The following HCN1 variants were observed in gnomAD, a reference collection of about 807,000 sequenced individuals.
HCN1 encodes the protein hyperpolarization activated cyclic nucleotide gated potassium channel 1.
In HCN1, 13 loss-of-function variants were observed where a neutral mutation model predicts 78.9. The ratio of observed to expected loss-of-function variants is 0.16; its 90% CI spans 0.11 to 0.26. The LOEUF (loss-of-function observed/expected upper bound fraction) is 0.26. Among genes scored for constraint, HCN1 ranks in the 10% least tolerant of loss-of-function variants. The probability of loss-of-function intolerance (pLI) is 1.00; values close to 1 mark genes in which losing one functional copy is unlikely to be tolerated. For synonymous variants in HCN1, 552 were observed against 455.5 expected, an observed-to-expected ratio of 1.21 and a Z score of -2.70; for missense variants, 810 against 1,154.3, an observed-to-expected ratio of 0.70 and a Z score of 4.32.
At chr5:45,393,435 T>C (rs181063960) in intron 4 of HCN1, among the ~76,000 whole-genome samples, 21 of 152,282 alleles carry the variant, frequency 1.4e-4, no homozygotes, top group Admixed American at 9.8e-4. Context: ...TTTCATTTCA[T>C]GAAGGCTAGA....
intron 1 of HCN1, among the ~76,000 whole-genome samples, chr5:45,690,682 G>A (rs1034448710): frequency 6.6e-6 from 1 of 151,908 alleles, no homozygotes; most frequent in Non-Finnish European, 1.5e-5. Flanking sequence ...TTTTCATAGT[G>A]CATGCAGACT....
intron 4 of HCN1, among the ~76,000 whole-genome samples, chr5:45,368,077 G>A (rs1747271056): frequency 6.6e-6 from 1 of 151,914 alleles, no homozygotes. Flanking sequence ...AAACCATAAA[G>A]GAACCAGGAG....
chr5:45,302,348 T>C lies in HCN1; in HGVS notation c.1618+1251A>G, dbSNP rs569169392. Among the ~76,000 whole-genome samples the C allele has an allele frequency of 5.3e-5, 8 of 152,188 alleles. No individual in the cohort carries two copies. The South Asian group carries it at 1.7e-3, about 32-fold the overall frequency. Reference sequence around the variant, plus strand: ...CTTGTCTCTCCTTCACCTTCTGCTGTGATTGTAAGTTTCCTGAGGCCTTCC... The same window carrying C: ...CTTGTCTCTCCTTCACCTTCTGCTGCGATTGTAAGTTTCCTGAGGCCTTCC... On this transcript the variant is annotated intron_variant, in intron 6 of 7. Coordinates refer to ENST00000303230, the MANE Select transcript of HCN1 (RefSeq NM_021072.4).
intron 6 of HCN1, among the ~76,000 whole-genome samples, chr5:45,280,029 A>G (rs1174540217): frequency 6.6e-6 from 1 of 152,114 alleles, no homozygotes; most frequent in African/African-American, 2.4e-5. Context: ...TGAAAGATAT[A>G]TAATTTATTA....
rs544704706 is a variant in HCN1 at position 45,586,514 on chromosome 5, G to A, written c.849+58671C>T. 2.6e-5 allele frequency among the ~76,000 whole-genome samples: 4 copies of A among 152,226 alleles called. No homozygotes were observed. In the East Asian group the frequency reaches 7.8e-4, roughly 30 times the overall value. On this transcript the variant is annotated intron_variant, in intron 2 of 7. Transcript: ENST00000303230. ...CACCCTACTTCAGGTCACACTCGGT[G>A]CACTGCACCCACTGTCCTGCACCCA...
At chr5:45,380,769 G>A (rs1383656634) in intron 4 of HCN1, among the ~76,000 whole-genome samples, 1 of 151,958 alleles carries the variant, frequency 6.6e-6, no homozygotes, top group African/African-American at 2.4e-5. Context: ...TATTTTTGTG[G>A]CAAAGAACTA....
intron 3 of HCN1, among the ~76,000 whole-genome samples, chr5:45,400,124 T>C (rs1195873817): frequency 2.0e-5 from 3 of 152,118 alleles, no homozygotes; most frequent in African/African-American, 4.8e-5. Flanking sequence ...ACAAGGTATA[T>C]TGTTAAAGCA....
chr5:45,625,720 G>A (rs1407724688), intron 2 of HCN1, among the ~76,000 whole-genome samples: 1 of 151,528 alleles, frequency 6.6e-6, no homozygotes, highest in East Asian at 1.9e-4. Context: ...GATCAATTCA[G>A]TGCGAATAAA....
At chr5:45,632,132 C>T (rs1286468217) in intron 2 of HCN1, among the ~76,000 whole-genome samples, 1 of 151,884 alleles carries the variant, frequency 6.6e-6, no homozygotes, top group Non-Finnish European at 1.5e-5. Flanking sequence ...TTAATAAAAA[C>T]ATAAAATTAA....
chr5:45,492,542 CAA>C (rs1741910295), intron 2 of HCN1, among the ~76,000 whole-genome samples: 1 of 109,204 alleles, frequency 9.2e-6, no homozygotes, highest in Non-Finnish European at 1.8e-5. Context: ...TTTTTTGAGA[CAA>C]GAGCCTTGCT....
chr5:45,621,399 G>C (rs548846512), intron 2 of HCN1, among the ~76,000 whole-genome samples: 1 of 151,862 alleles, frequency 6.6e-6, no homozygotes, highest in Admixed American at 6.6e-5. Flanking sequence ...ATGAGATAGT[G>C]ACAAAGCTGA....
chr5:45,412,297 C>T (rs574238761), intron 3 of HCN1, among the ~76,000 whole-genome samples: 1 of 152,148 alleles, frequency 6.6e-6, no homozygotes, highest in African/African-American at 2.4e-5. Flanking sequence ...AAGTCATCTG[C>T]GTATATTGAG....
chr5:45,324,591 A>G (rs1746198711), intron 5 of HCN1, among the ~76,000 whole-genome samples: 1 of 151,948 alleles, frequency 6.6e-6, no homozygotes, highest in South Asian at 2.1e-4. Context: ...AGATTTTTCA[A>G]TATTTATTTA....
At chr5:45,676,272 G>A (rs114654738) in intron 1 of HCN1, among the ~76,000 whole-genome samples, 3,701 of 151,664 alleles carry the variant, frequency 0.024, 174 homozygotes, top group African/African-American at 0.084. Context: ...ATTGTAATAT[G>A]TGTCTTATAA....
At chr5:45,329,683 TTTTTAAA>T (rs1364220841) in intron 5 of HCN1, among the ~76,000 whole-genome samples, 5 of 151,550 alleles carry the variant, frequency 3.3e-5, no homozygotes, top group African/African-American at 1.2e-4. Flanking sequence ...TTTGGAATCT[TTTTTAAA>T]TTAACACTAT....
intron 2 of HCN1, among the ~76,000 whole-genome samples, chr5:45,556,121 A>G (rs886651383): frequency 4.6e-5 from 7 of 151,966 alleles, no homozygotes; most frequent in Non-Finnish European, 7.4e-5. Flanking sequence ...GAAAACATTA[A>G]GGAAACTCCC....
chr5:45,267,206 C>T lies in HCN1; in HGVS notation c.1666G>A (p.Asp556Asn). 2 of 1,614,008 alleles carry T rather than the reference C, an allele frequency of 1.2e-6. No homozygotes were observed. The highest frequency in any genetic ancestry group is 1.7e-6 in the Non-Finnish European group (2 of 1,179,950). Reference protein sequence around the residue: ...KGRRTASVRADTYCRLYSLSV... With the variant: ...KGRRTASVRANTYCRLYSLSV... ...AGTGAGTAAAGACGACAATATGTAT[C>T]AGCTCGAACACTGGCAGTACGACGT... The change falls in exon 7 of 8, where the codon GAT (aspartate) becomes AAT (asparagine). Residue 556 changes from aspartate (D) to asparagine (N), a missense_variant. Asp to Asn is a conservative substitution (Grantham distance 23, BLOSUM62 1). Around this residue, in one of 6 missense-constraint regions of HCN1, gnomAD observed 36 missense variants for 58.5 expected, o/e 0.62. Coordinates refer to ENST00000303230, the MANE Select transcript of HCN1 (RefSeq NM_021072.4).
intron 2 of HCN1, among the ~76,000 whole-genome samples, chr5:45,586,853 T>C (rs970593074): frequency 1.3e-5 from 2 of 152,182 alleles, no homozygotes; most frequent in African/African-American, 4.8e-5. Context: ...CTGTATGTAA[T>C]AGACTATCTT....
intron 2 of HCN1, among the ~76,000 whole-genome samples, chr5:45,508,379 G>A (rs894586953): frequency 1.3e-5 from 2 of 152,050 alleles, no homozygotes; most frequent in Non-Finnish European, 1.5e-5. Context: ...ACCAAAAGGA[G>A]TTAGATTACA....
Sources: allele counts gnomAD v4.1 joint callset (sites outside exome capture counted in the v4.1 genomes callset), GRCh38; gene constraint gnomAD v4.1.1; regional missense constraint gnomAD v4.1.1; transcripts MANE v1.5; gene names NCBI Gene and HGNC (gene_info 2026-07-23, HGNC 2026-07-21).